Variants in ASCC3 observed in about 807,000 individuals in gnomAD.
The protein encoded by ASCC3 is activating signal cointegrator 1 complex subunit 3.
Under a neutral mutation model 256.3 loss-of-function variants are expected in ASCC3, and 158 were observed. That is an observed-to-expected ratio of 0.62 (90% CI 0.54 to 0.70). ASCC3 has a LOEUF of 0.70. Among genes scored for constraint, ASCC3 ranks in the 30% least tolerant of loss-of-function variants. The probability of loss-of-function intolerance (pLI) is 0.00; values close to 1 mark genes in which losing one functional copy is unlikely to be tolerated. For synonymous variants in ASCC3, 948 were observed against 883.4 expected, an observed-to-expected ratio of 1.07 and a Z score of -1.30; for missense variants, 2,259 against 2,626.0, an observed-to-expected ratio of 0.86 and a Z score of 3.05.
rs1562153442 is a variant in ASCC3, at chr6:100,600,235, A to ACACACG, written c.5303+1574_5303+1575insCGTGTG. ...CACACACACACACACACACACACAC[A>ACACACG]CACAGTTGTAGATTATGAGTCAGAA... On this transcript the variant is annotated intron_variant, in intron 34 of 41. Transcript: ENST00000369162. 2.7e-3 allele frequency among the ~76,000 whole-genome samples: 389 copies of ACACACG among 145,312 alleles called. 3 individuals are homozygous for ACACACG. The East Asian group carries it at 0.04, about 15-fold the overall frequency.
intron 3 of ASCC3, among the ~76,000 whole-genome samples, chr6:100,850,779 G>C (rs1404702507): frequency 2.0e-5 from 3 of 151,924 alleles, no homozygotes; most frequent in African/African-American, 7.3e-5. Flanking sequence ...TATAAATAGT[G>C]CTTTTAAATT....
At chr6:100,597,799 C>T (rs1582526383) in intron 34 of ASCC3, among the ~76,000 whole-genome samples, 2 of 82,408 alleles carry the variant, frequency 2.4e-5, no homozygotes, top group East Asian at 6.5e-4. Flanking sequence ...AGTGAAACCC[C>T]GTCTCTACTG....
At chr6:100,788,980 A>ACC (rs1310120287) in intron 8 of ASCC3, among the ~76,000 whole-genome samples, 3 of 151,854 alleles carry the variant, frequency 2.0e-5, no homozygotes, top group Admixed American at 6.6e-5. Flanking sequence ...ACTACACTGT[A>ACC]CCCCCAAAAG....
intron 14 of ASCC3, among the ~76,000 whole-genome samples, chr6:100,666,884 G>A (rs1299099973): frequency 6.6e-6 from 1 of 152,006 alleles, no homozygotes; most frequent in Non-Finnish European, 1.5e-5. Flanking sequence ...GAATCAAAGA[G>A]AAGATCAATA....
At chr6:100,817,896 C>G (rs1279058468) in intron 4 of ASCC3, among the ~76,000 whole-genome samples, 1 of 152,058 alleles carries the variant, frequency 6.6e-6, no homozygotes, top group African/African-American at 2.4e-5. Flanking sequence ...AAAACACTTC[C>G]CGATTCATTT....
At position 100,546,462 on chromosome 6, in the gene ASCC3, A is replaced by AT. The variant is rs895979770; in HGVS notation, c.5551-6076dup. On this transcript the variant is annotated intron_variant, in intron 36 of 41. Transcript: ENST00000369162. ...AACGTTGAAGAGCTAGCCCTACATT[A>AT]TTTTTTTTTATAGTTTAATGTATTT... Among the ~76,000 whole-genome samples the AT allele has an allele frequency of 1.8e-4, 28 of 151,590 alleles. No individual in the cohort carries two copies. In the South Asian group the frequency reaches 2.7e-3, roughly 15 times the overall value.
At chr6:100,854,757 AG>A (rs1772857865) in intron 3 of ASCC3, among the ~76,000 whole-genome samples, 1 of 152,294 alleles carries the variant, frequency 6.6e-6, no homozygotes, top group Non-Finnish European at 1.5e-5. Context: ...CTAACATAAA[AG>A]TTTGAATTAG....
At position 100,864,082 on chromosome 6, in the gene ASCC3, G is replaced by GTAATA; in HGVS notation, c.218_222dup (p.His75TyrfsTer8). Reference sequence around the variant, plus strand: ...ACTATACCTATCTGCTTTGCAGCATGTAATATATCTTTTAAGTCTTCATTT... The same window carrying GTAATA: ...ACTATACCTATCTGCTTTGCAGCATGTAATATAATATATCTTTTAAGTCTTCATTT... On this transcript the variant is annotated frameshift_variant, in exon 3 of 42. Transcript: ENST00000369162. LOFTEE classifies it high-confidence loss of function. The GTAATA allele has an allele frequency of 6.3e-7, 1 of 1,581,322 alleles. No homozygotes were observed. The highest frequency in any genetic ancestry group is 1.1e-5 in the South Asian group (1 of 89,000).
chr6:100,593,860 A>T (rs1562148144), intron 34 of ASCC3, among the ~76,000 whole-genome samples: 1 of 152,148 alleles, frequency 6.6e-6, no homozygotes, highest in African/African-American at 2.4e-5. Flanking sequence ...AATTGAATCC[A>T]GAACTCAATT....
intron 13 of ASCC3, among the ~76,000 whole-genome samples, chr6:100,704,604 T>G (rs1304041753): frequency 6.6e-6 from 1 of 151,982 alleles, no homozygotes; most frequent in African/African-American, 2.4e-5. Flanking sequence ...AATCTATAAT[T>G]ATTAGTCAAT....
intron 8 of ASCC3, among the ~76,000 whole-genome samples, chr6:100,770,513 GAAAT>G (rs1781866342): frequency 1.3e-5 from 2 of 149,078 alleles, no homozygotes; most frequent in African/African-American, 4.9e-5. Context: ...AAAAAAAAAA[GAAAT>G]AAAGTCATTA....
intron 7 of ASCC3, 133 bp from the exon 8 acceptor site, chr6:100,798,971 T>A: frequency 2.3e-6 from 2 of 874,420 alleles, no homozygotes; most frequent in Non-Finnish European, 3.4e-6. Flanking sequence ...TTAGCTAATT[T>A]AAAAGAAAAC....
intron 11 of ASCC3, 72 bp from the exon 12 acceptor site, chr6:100,718,323 A>G (rs1033697593): frequency 7.6e-7 from 1 of 1,314,926 alleles, no homozygotes; most frequent in South Asian, 1.5e-5. Context: ...AATTTGTCCT[A>G]TTAATAGGAC....
intron 37 of ASCC3, among the ~76,000 whole-genome samples, chr6:100,535,981 C>G (rs1315010623): frequency 2.0e-5 from 3 of 151,846 alleles, no homozygotes; most frequent in Non-Finnish European, 4.4e-5. Flanking sequence ...TTCTTGAGAA[C>G]AATATTTAAT....
intron 40 of ASCC3, among the ~76,000 whole-genome samples, chr6:100,511,524 G>A (rs998375797): frequency 7.2e-5 from 11 of 152,132 alleles, no homozygotes; most frequent in African/African-American, 2.4e-4. Context: ...TTGAGGTCAG[G>A]AGTTCAAGAT....
chr6:100,726,226 C>G lies in ASCC3; in HGVS notation c.1738-523G>C, dbSNP rs201368613. On this transcript the variant is annotated intron_variant, in intron 10 of 41. Coordinates refer to ENST00000369162, the MANE Select transcript of ASCC3 (RefSeq NM_006828.4). ...ACAATGCTTTTCATTGAAAAACATG[C>G]CCATATGTTGTAAAACAAAAAGACA... 1.2e-4 allele frequency among the ~76,000 whole-genome samples: 18 copies of G among 151,860 alleles called. No homozygotes were observed. In the East Asian group the frequency reaches 3.1e-3, roughly 26 times the overall value.
intron 4 of ASCC3, among the ~76,000 whole-genome samples, chr6:100,827,507 T>C (rs1215266688): frequency 2.0e-5 from 3 of 152,218 alleles, no homozygotes; most frequent in Admixed American, 6.5e-5. Flanking sequence ...TGTGGCTTGA[T>C]AGCTCATTTC....
At chr6:100,771,674 G>C (rs1781929188) in intron 8 of ASCC3, among the ~76,000 whole-genome samples, 1 of 151,958 alleles carries the variant, frequency 6.6e-6, no homozygotes, top group Admixed American at 6.6e-5. Context: ...AACATCATTA[G>C]TCATTAGGGA....
intron 36 of ASCC3, among the ~76,000 whole-genome samples, chr6:100,582,711 T>C (rs575589010): frequency 6.6e-6 from 1 of 151,854 alleles, no homozygotes; most frequent in Non-Finnish European, 1.5e-5. Flanking sequence ...CAGTATGATA[T>C]TGGCTGTGGG....
Sources: gnomAD v4.1 joint callset for allele counts (sites outside exome capture counted in the v4.1 genomes callset) on GRCh38, gnomAD v4.1.1 for gene constraint, MANE v1.5 for transcripts, NCBI Gene and HGNC (gene_info 2026-07-23, HGNC 2026-07-21) for gene names.